Variants in NAALADL2 observed in about 807,000 individuals in gnomAD.
The protein encoded by NAALADL2 is inactive N-acetylated-alpha-linked acidic dipeptidase-like protein 2.
A neutral mutation model predicts 87.2 loss-of-function variants in NAALADL2; 76 were observed. That is an observed-to-expected ratio of 0.87 (90% CI 0.72 to 1.05). The LOEUF (loss-of-function observed/expected upper bound fraction) is 1.05, where lower values mean the gene tolerates loss of function less well. Ranked by LOEUF, NAALADL2 falls within the 50% of genes least tolerant of loss-of-function variation. The probability of loss-of-function intolerance (pLI) is 0.00; values close to 1 mark genes in which losing one functional copy is unlikely to be tolerated. For missense variants in NAALADL2, 1,089 were observed against 945.8 expected (o/e 1.15, Z -1.99); for synonymous variants, 354 against 331.0 (o/e 1.07, Z -0.75).
At chr3:174,490,299 C>G (rs1489807157) in intron 1 of NAALADL2, among the ~76,000 whole-genome samples, 1 of 151,936 alleles carries the variant, frequency 6.6e-6, no homozygotes, top group Non-Finnish European at 1.5e-5. Flanking sequence ...AAAATAGCCA[C>G]AAAAGATTAC....
At chr3:174,714,007 C>T (rs1329096886) in intron 2 of NAALADL2, among the ~76,000 whole-genome samples, 7 of 152,150 alleles carry the variant, frequency 4.6e-5, no homozygotes, top group South Asian at 2.1e-4. Context: ...CCAGTTTCAG[C>T]TTTCTACATA....
chr3:174,508,114 G>GTTTTTTT (rs1311325384), intron 1 of NAALADL2, among the ~76,000 whole-genome samples: 7 of 103,882 alleles, frequency 6.7e-5, no homozygotes, highest in African/African-American at 1.4e-4. Flanking sequence ...ATATCTAGTG[G>GTTTTTTT]TTTTTTTTTT....
chr3:175,791,193 G>A (rs1752737093), intron 13 of NAALADL2, among the ~76,000 whole-genome samples: 2 of 152,230 alleles, frequency 1.3e-5, no homozygotes, highest in Non-Finnish European at 2.9e-5. Flanking sequence ...CAGCAAACTA[G>A]AGGATAATTC....
rs1458599872 is a variant in NAALADL2, at chr3:175,423,051, A to ATATTT, written c.1091-24177_1091-24176insATTTT. ...AAAATATATATATATATATATATAT[A>ATATTT]TTTTTTTTTTTTCCTGAGTTGTAGA... On this transcript the variant is annotated intron_variant, in intron 5 of 13. Transcript: ENST00000454872. Among the ~76,000 whole-genome samples, 11 of 91,504 alleles carry ATATTT rather than the reference A, an allele frequency of 1.2e-4. No homozygotes were observed. The East Asian group carries it at 3.9e-3, about 33-fold the overall frequency. 60.0% of individuals were successfully genotyped at this position (91,504 alleles called of 152,430 possible). A position where few individuals can be genotyped will look rare whatever the true frequency, so the allele number is the denominator to read the frequency against.
chr3:175,282,414 T>A (rs1006748503), intron 4 of NAALADL2, among the ~76,000 whole-genome samples: 12 of 152,110 alleles, frequency 7.9e-5, no homozygotes, highest in African/African-American at 2.4e-4. Context: ...TCCTGTGACA[T>A]CAGCTGCTTT....
intron 2 of NAALADL2, among the ~76,000 whole-genome samples, chr3:175,205,209 A>G (rs1740640015): frequency 6.6e-6 from 1 of 152,212 alleles, no homozygotes; most frequent in African/African-American, 2.4e-5. Context: ...AAACTATACT[A>G]TAAAGCCATA....
chr3:175,107,727 T>C (rs1465663511), intron 2 of NAALADL2, among the ~76,000 whole-genome samples: 1 of 151,776 alleles, frequency 6.6e-6, no homozygotes, highest in African/African-American at 2.4e-5. Flanking sequence ...TTACCAATGT[T>C]CATTATTATA....
chr3:174,685,852 T>C (rs1560143828), intron 2 of NAALADL2, among the ~76,000 whole-genome samples: 1 of 146,208 alleles, frequency 6.8e-6, no homozygotes, highest in East Asian at 2.1e-4. Context: ...CCGCAGTGTG[T>C]GTTGTTCCCC....
At chr3:174,731,009 G>T (rs1732651228) in intron 2 of NAALADL2, among the ~76,000 whole-genome samples, 1 of 151,872 alleles carries the variant, frequency 6.6e-6, no homozygotes, top group Admixed American at 6.6e-5. Flanking sequence ...TTTTTCATAG[G>T]GAGTGCTAGC....
At chr3:174,558,356 G>T (rs114479526) in intron 2 of NAALADL2, among the ~76,000 whole-genome samples, 83 of 152,218 alleles carry the variant, frequency 5.5e-4, no homozygotes, top group African/African-American at 1.9e-3. Flanking sequence ...GTACGGGGGG[G>T]ATGGTTTTAG....
intron 10 of NAALADL2, among the ~76,000 whole-genome samples, chr3:175,607,457 G>T (rs918505434): frequency 6.6e-6 from 1 of 152,092 alleles, no homozygotes; most frequent in Non-Finnish European, 1.5e-5. Context: ...TCACATCTGT[G>T]TAATCCTTGA....
chr3:174,795,536 T>C (rs1013972297), intron 3 of NAALADL2, among the ~76,000 whole-genome samples: 4 of 152,186 alleles, frequency 2.6e-5, no homozygotes, highest in African/African-American at 9.6e-5. Flanking sequence ...TATGTTTCCA[T>C]TTTTCTTAAG....
chr3:175,773,026 A>G (rs545952265), intron 13 of NAALADL2: 2 of 152,290 alleles, frequency 1.3e-5, no homozygotes, highest in Admixed American at 6.5e-5. Context: ...GGATTTAGGC[A>G]TGTATCCTGG....
At chr3:175,542,638 G>A (rs1712568610) in intron 9 of NAALADL2, among the ~76,000 whole-genome samples, 1 of 152,168 alleles carries the variant, frequency 6.6e-6, no homozygotes, top group Admixed American at 6.5e-5. Context: ...GGGATTACAG[G>A]CGTGAGCCAC....
intron 5 of NAALADL2, among the ~76,000 whole-genome samples, chr3:175,410,861 C>G (rs534467454): frequency 6.6e-6 from 1 of 152,272 alleles, no homozygotes; most frequent in South Asian, 2.1e-4. Flanking sequence ...AAAAAGTGGA[C>G]AGACGCCCTC....
chr3:175,465,151 C>T (rs1024546644), intron 7 of NAALADL2, among the ~76,000 whole-genome samples: 2 of 150,824 alleles, frequency 1.3e-5, no homozygotes, highest in Admixed American at 1.3e-4. Flanking sequence ...ACTGGGGAGG[C>T]TGAGGCAGGA....
At chr3:174,951,629 G>C (rs753257853) in intron 1 of NAALADL2, among the ~76,000 whole-genome samples, 2 of 152,018 alleles carry the variant, frequency 1.3e-5, no homozygotes, top group Non-Finnish European at 2.9e-5. Context: ...CAAAAGTTGT[G>C]CCTAAGTGCT....
At chr3:174,846,012 G>C (rs1724579804) in intron 3 of NAALADL2, among the ~76,000 whole-genome samples, 1 of 152,092 alleles carries the variant, frequency 6.6e-6, no homozygotes, top group Non-Finnish European at 1.5e-5. Flanking sequence ...TTCTGCTCTG[G>C]AGCAATGTAT....
rs141062835 is a variant in NAALADL2 at position 174,828,167 on chromosome 3, C to CACACAACACAACACAACACAACACA, written c.-9+90425_-9+90449dup. ...AAGACCTTGTCTCTGAAACCAACCACACACAACACAACACAACACAACACA... is the reference window on the plus strand; with the variant it reads ...AAGACCTTGTCTCTGAAACCAACCACACACAACACAACACAACACAACACAACACAACACAACACAACACAACACA... On this transcript the variant is annotated intron_variant, in intron 3 of 3. Transcript: ENST00000434257. Among the ~76,000 whole-genome samples, 275 of 151,692 alleles carry CACACAACACAACACAACACAACACA rather than the reference C, an allele frequency of 1.8e-3. 2 individuals carry two copies. The highest frequency in any genetic ancestry group is 6.5e-3 in the African/African-American group (268 of 41,276).
Sources: gnomAD v4.1 joint callset for allele counts (sites outside exome capture counted in the v4.1 genomes callset) on GRCh38, gnomAD v4.1.1 for gene constraint, MANE v1.5 for transcripts, NCBI Gene and HGNC (gene_info 2026-07-23, HGNC 2026-07-21) for gene names.